Variants in KDM3B observed in about 807,000 individuals in gnomAD.
The protein encoded by KDM3B is lysine-specific demethylase 3B.
Under a neutral mutation model 170.0 loss-of-function variants are expected in KDM3B, and 10 were observed. The ratio of observed to expected loss-of-function variants is 0.06; its 90% CI spans 0.04 to 0.10. The LOEUF is 0.10. KDM3B is among the 10% of genes least tolerant of loss of function. KDM3B has a pLI of 1.00. For missense variants in KDM3B, 1,394 were observed against 2,195.2 expected, an observed-to-expected ratio of 0.64 and a Z score of 7.29; for synonymous variants, 831 against 834.8, an observed-to-expected ratio of 1.00 and a Z score of 0.08.
At chr5:138,390,659 C>A (rs1466486066) in intron 7 of KDM3B, among the ~76,000 whole-genome samples, 2 of 152,050 alleles carry the variant, frequency 1.3e-5, no homozygotes, top group African/African-American at 4.8e-5. Flanking sequence ...ATTCAGGAAC[C>A]CTTTTCTCCA....
At chr5:138,356,625 T>A (rs1390002316) in intron 1 of KDM3B, among the ~76,000 whole-genome samples, 1 of 149,264 alleles carries the variant, frequency 6.7e-6, no homozygotes, top group African/African-American at 2.5e-5. Flanking sequence ...TTTGTTTCAC[T>A]TGTCTCTTGA....
chr5:138,399,145 T>A (rs1762617820), intron 10 of KDM3B, among the ~76,000 whole-genome samples: 1 of 151,426 alleles, frequency 6.6e-6, no homozygotes, highest in Non-Finnish European at 1.5e-5. Context: ...GCCTCAGCCT[T>A]CCAAAGTGCT....
At chr5:138,381,075 T>C (rs927217995) in intron 5 of KDM3B, among the ~76,000 whole-genome samples, 3 of 152,130 alleles carry the variant, frequency 2.0e-5, no homozygotes, top group African/African-American at 7.2e-5. Context: ...GGTTTCACCA[T>C]GTTGGCCAGG....
chr5:138,364,223 A>G (rs1761688597), intron 1 of KDM3B, among the ~76,000 whole-genome samples: 1 of 151,842 alleles, frequency 6.6e-6, no homozygotes, highest in South Asian at 2.1e-4. Flanking sequence ...CCAGCCTGTT[A>G]TTTTCCTTTT....
chr5:138,403,833 A>G (rs2126967575), intron 11 of KDM3B, among the ~76,000 whole-genome samples: 1 of 149,458 alleles, frequency 6.7e-6, no homozygotes, highest in Non-Finnish European at 1.5e-5. Flanking sequence ...TCTCAACCAA[A>G]AAAAAAAAAA....
At chr5:138,389,341 C>A (rs1445936856) in intron 7 of KDM3B, among the ~76,000 whole-genome samples, 1 of 152,206 alleles carries the variant, frequency 6.6e-6, no homozygotes, top group Non-Finnish European at 1.5e-5. Flanking sequence ...TCAAGGAAAT[C>A]CTGAATGTTA....
At chr5:138,404,915 T>G (rs1762777910) in intron 11 of KDM3B, among the ~76,000 whole-genome samples, 1 of 150,914 alleles carries the variant, frequency 6.6e-6, no homozygotes, top group Admixed American at 6.6e-5. Context: ...TTTTATATTT[T>G]TAGTAGAGAC....
At chr5:138,397,343 A>G (rs962855259) in intron 9 of KDM3B, among the ~76,000 whole-genome samples, 8 of 151,904 alleles carry the variant, frequency 5.3e-5, no homozygotes, top group African/African-American at 1.9e-4. Flanking sequence ...TCAAAAAAAA[A>G]CTAAAAAATA....
chr5:138,420,854 C>T lies in KDM3B; in HGVS notation c.3864C>T (p.Thr1288=), dbSNP rs772483803. ...GTCCCACTGCCTCCAACAACAAAACCGAAGGGTCTAGCCTTCGAGACCTCC... is the reference window on the plus strand; with the variant it reads ...GTCCCACTGCCTCCAACAACAAAACTGAAGGGTCTAGCCTTCGAGACCTCC... ...LLGPTASNNK[T]EGSSLRDLLH... The change falls in exon 15 of 24, where the codon ACC becomes ACT. Residue 1288 remains threonine, a synonymous_variant. Coordinates refer to ENST00000314358, the MANE Select transcript of KDM3B (RefSeq NM_016604.4). 5.6e-6 allele frequency: 9 copies of T among 1,614,138 alleles called. No homozygotes were observed. Among genetic ancestry groups the T allele is most frequent in the South Asian group, 3.3e-5 (3 of 91,076 alleles).
chr5:138,379,760 T>A, intron 5 of KDM3B, 52 bp downstream of exon 5: 2 of 1,539,602 alleles, frequency 1.3e-6, no homozygotes, highest in Non-Finnish European at 1.8e-6. Context: ...TTAAAGAGGA[T>A]GGTTTAGATA....
intron 2 of KDM3B, 49 bp from the exon 3 acceptor site, chr5:138,375,043 GT>G (rs774710829): frequency 3.0e-6 from 3 of 1,010,132 alleles, no homozygotes; most frequent in Admixed American, 1.8e-5. Flanking sequence ...TTGAATTGCT[GT>G]TTTTTTATTC....
chr5:138,398,399 C>A lies in KDM3B; in HGVS notation c.3046+7C>A. The A allele has an allele frequency of 6.2e-7, 1 of 1,612,010 alleles. No individual in the cohort carries two copies. Among genetic ancestry groups the A allele is most frequent in the South Asian group, 1.1e-5 (1 of 90,708 alleles). On this transcript the variant is annotated splice_region_variant and intron_variant, in intron 10 of 23. Transcript: ENST00000314358. ...ATGATGGTGGAGCCACACCGTAAGT[C>A]ACCTTCTCACTTGTCTTCCAGGTGC...
chr5:138,419,663 A>AAT (rs1554131111), intron 14 of KDM3B, among the ~76,000 whole-genome samples: 2 of 125,050 alleles, frequency 1.6e-5, no homozygotes, highest in African/African-American at 3.0e-5. Flanking sequence ...AAAAAAAAAA[A>AAT]AAAAAATATA....
chr5:138,371,936 C>T (rs1039101193), intron 1 of KDM3B, among the ~76,000 whole-genome samples: 1 of 152,192 alleles, frequency 6.6e-6, no homozygotes, highest in South Asian at 2.1e-4. Flanking sequence ...GCCTGGGCAA[C>T]ATGGTGAAAC....
Position 138,375,078 on chromosome 5 carries a change from C to G in KDM3B, c.361-15C>G, listed in dbSNP as rs774264800. 7.2e-7 allele frequency: 1 copy of G among 1,385,714 alleles called. No homozygotes were observed. Among genetic ancestry groups the G allele is most frequent in the East Asian group, 2.3e-5 (1 of 43,732 alleles). 85.8% of individuals were successfully genotyped at this position (1,385,714 alleles called of 1,614,324 possible). A position where few individuals can be genotyped will look rare whatever the true frequency, so the allele number is the denominator to read the frequency against. ...TCCCAAGTTCTAATCAATTTCTTGT[C>G]ATTGTACTTCACAGACTTTTACTCC... On this transcript the variant is annotated splice_polypyrimidine_tract_variant and intron_variant, in intron 2 of 23. Transcript: ENST00000314358.
In KDM3B at chr5:138,381,565, T is replaced by C. The variant is rs111526688; in HGVS notation, c.755T>C (p.Met252Thr). ...CCCAGACTAATCCATGTGATGCTGA[T>C]GGATAATTCAGCGCCTCAAAGCGAG... ...VDPRLIHVML[M>T]DNSAPQSEGG... The change falls in exon 6 of 24, where the codon ATG becomes ACG. Residue 252 changes from methionine to threonine, a missense_variant. By Grantham distance (81) the Met-to-Thr change is moderately conservative (BLOSUM62 -1). Transcript: ENST00000314358. 9 of 1,605,750 alleles carry C rather than the reference T, an allele frequency of 5.6e-6. No individual in the cohort carries two copies. Among genetic ancestry groups the C allele is most frequent in the African/African-American group, 1.3e-5 (1 of 74,886 alleles).
chr5:138,381,485 C>T (rs1488178305), intron 5 of KDM3B, 31 bp from the exon 6 acceptor site: 1 of 1,254,120 alleles, frequency 8.0e-7, no homozygotes, highest in Admixed American at 1.7e-5. Flanking sequence ...ATGGACAAGG[C>T]ATTAAATATC....
chr5:138,419,762 CACACAT>C (rs1460278165), intron 14 of KDM3B, among the ~76,000 whole-genome samples: 7 of 130,742 alleles, frequency 5.4e-5, no homozygotes, highest in Non-Finnish European at 1.2e-4. Flanking sequence ...CACACACACA[CACACAT>C]ATATATGAGG....
At chr5:138,416,192 T>C (rs1363701992) in intron 12 of KDM3B, among the ~76,000 whole-genome samples, 1 of 152,234 alleles carries the variant, frequency 6.6e-6, no homozygotes, top group East Asian at 1.9e-4. Context: ...TCAGTGATTC[T>C]TCCAGAAGTT....
Sources: gnomAD v4.1 joint callset for allele counts (sites outside exome capture counted in the v4.1 genomes callset) on GRCh38, gnomAD v4.1.1 for gene constraint, MANE v1.5 for transcripts, NCBI Gene and HGNC (gene_info 2026-07-23, HGNC 2026-07-21) for gene names.